The following GALNT11 variants were observed in gnomAD, a reference collection of about 807,000 sequenced individuals.
GALNT11 encodes polypeptide N-acetylgalactosaminyltransferase 11, also known as UDP-GalNAc:polypeptide N-acetylgalactosaminyltransferase 11.
GALNT11 carries 47 observed loss-of-function variants against 72.7 expected under a neutral mutation model. The observed-to-expected ratio is 0.65, with a 90% CI of 0.51 to 0.82. The LOEUF is 0.82. Ranked by LOEUF, GALNT11 falls within the 40% of genes least tolerant of loss-of-function variation. The probability of loss-of-function intolerance (pLI) is 0.00; values close to 1 mark genes in which losing one functional copy is unlikely to be tolerated. For synonymous variants in GALNT11, 270 were observed against 286.6 expected (o/e 0.94, Z 0.58); for missense variants, 677 against 778.4 (o/e 0.87, Z 1.55).
At chr7:152,074,230 T>G (rs1587175716) in intron 1 of GALNT11, 1 of 152,352 alleles carries the variant, frequency 6.6e-6, no homozygotes, top group South Asian at 2.1e-4. Context: ...ATTAACGTCC[T>G]GAGGCATTTC....
intron 1 of GALNT11, among the ~76,000 whole-genome samples, chr7:152,067,960 TG>T (rs1265714755): frequency 1.3e-5 from 2 of 151,304 alleles, no homozygotes; most frequent in African/African-American, 4.9e-5. Context: ...CAAGAGAGAG[TG>T]GTAGGGGAGG....
intron 1 of GALNT11, among the ~76,000 whole-genome samples, chr7:152,078,496 C>T (rs1373710527): frequency 6.6e-6 from 1 of 152,116 alleles, no homozygotes; most frequent in South Asian, 2.1e-4. Flanking sequence ...CCACTGCGCC[C>T]GGCCGGAAGG....
chr7:152,027,578 T>G (rs1369672358), intron 1 of GALNT11: 6 of 152,508 alleles, frequency 3.9e-5, no homozygotes, highest in Non-Finnish European at 8.8e-5. Flanking sequence ...CAGCCCCAAG[T>G]GAGGAAGGGG....
rs1415479507 is a variant in GALNT11, at chr7:152,061,628, A to G, written c.-38-32562A>G. Reference sequence around the variant, plus strand: ...TTTAGGTCTAACATTTAAGTCTCCAATCCATCTTGAATTAATTTTTGTATA... The same window carrying G: ...TTTAGGTCTAACATTTAAGTCTCCAGTCCATCTTGAATTAATTTTTGTATA... On this transcript the variant is annotated intron_variant, in intron 1 of 11. Coordinates refer to ENST00000430044, the MANE Select transcript of GALNT11 (RefSeq NM_022087.4). Among the ~76,000 whole-genome samples the G allele has an allele frequency of 4.6e-5, 7 of 152,186 alleles. No individual in the cohort carries two copies. In the East Asian group the frequency reaches 1.3e-3, roughly 29 times the overall value.
At chr7:152,108,332 TA>T (rs768410633) in intron 6 of GALNT11, 45 bp downstream of exon 6, 2 of 1,567,504 alleles carry the variant, frequency 1.3e-6, no homozygotes, top group Admixed American at 3.6e-5. Context: ...AGTGCTTCCT[TA>T]AAAGAGAACA....
rs549834924 is a variant in GALNT11, at chr7:152,117,076, G to A, written c.1234-81G>A. The A allele has an allele frequency of 3.6e-3, 4,270 of 1,199,682 alleles. 11 individuals carry two copies. The highest frequency in any genetic ancestry group is 4.6e-3 in the Non-Finnish European group (3,923 of 846,044). 74.3% of individuals were successfully genotyped at this position (1,199,682 alleles called of 1,614,324 possible). On this transcript the variant is annotated intron_variant, in intron 8 of 11. Coordinates refer to ENST00000430044, the MANE Select transcript of GALNT11 (RefSeq NM_022087.4). The stretch of plus-strand genomic sequence containing the variant: ...ATCATTGTTAGTAATGGACTTAATC[G>A]TGTAAAAAATCTCTATATAGTTGTA...
intron 1 of GALNT11, among the ~76,000 whole-genome samples, chr7:152,054,118 T>C (rs1364102250): frequency 6.6e-6 from 1 of 152,124 alleles, no homozygotes; most frequent in African/African-American, 2.4e-5. Flanking sequence ...GCTATAGATA[T>C]TTTTTCTATT....
chr7:152,031,656 C>G (rs2082309627), intron 1 of GALNT11, among the ~76,000 whole-genome samples: 1 of 152,166 alleles, frequency 6.6e-6, no homozygotes, highest in African/African-American at 2.4e-5. Context: ...CACCAGTTGT[C>G]AGACACGAGT....
At chr7:152,058,069 T>TG (rs1430252164) in intron 1 of GALNT11, among the ~76,000 whole-genome samples, 1 of 152,124 alleles carries the variant, frequency 6.6e-6, no homozygotes, top group Non-Finnish European at 1.5e-5. Context: ...TATCACAAAG[T>TG]GAATCACACA....
At chr7:152,114,908 G>A (rs2088678406) in intron 8 of GALNT11, among the ~76,000 whole-genome samples, 1 of 152,176 alleles carries the variant, frequency 6.6e-6, no homozygotes, top group Admixed American at 6.5e-5. Flanking sequence ...GGTTTTGGGG[G>A]ATAAAAGATG....
At chr7:152,078,563 A>G (rs572227126) in intron 1 of GALNT11, among the ~76,000 whole-genome samples, 3 of 152,234 alleles carry the variant, frequency 2.0e-5, no homozygotes, top group Non-Finnish European at 4.4e-5. Flanking sequence ...ATGACAATCC[A>G]CAGAATTAAG....
intron 4 of GALNT11, among the ~76,000 whole-genome samples, 175 bp from the exon 5 acceptor site, chr7:152,105,067 TTTC>T (rs1190086486): frequency 1.3e-5 from 2 of 152,208 alleles, no homozygotes; most frequent in Non-Finnish European, 2.9e-5. Context: ...TTACCCTTCA[TTTC>T]TTTTTCTTCC....
chr7:152,053,908 TGTAA>T (rs1306952441), intron 1 of GALNT11, among the ~76,000 whole-genome samples: 2 of 152,246 alleles, frequency 1.3e-5, no homozygotes, highest in African/African-American at 2.4e-5. Context: ...ATACTTTGAA[TGTAA>T]GTATTTAGAA....
intron 8 of GALNT11, among the ~76,000 whole-genome samples, chr7:152,116,313 C>A (rs137978931): frequency 6.6e-6 from 1 of 152,078 alleles, no homozygotes; most frequent in East Asian, 1.9e-4. Flanking sequence ...TGCAGTGGCA[C>A]GATCTCAATT....
chr7:152,079,780 A>G (rs573144500), intron 1 of GALNT11, among the ~76,000 whole-genome samples: 2 of 152,346 alleles, frequency 1.3e-5, no homozygotes, highest in Non-Finnish European at 2.9e-5. Flanking sequence ...GTAATTTCAC[A>G]GGGGTATGTG....
chr7:152,113,239 T>G lies in GALNT11; in HGVS notation c.1081-7T>G. 6.2e-7 allele frequency: 1 copy of G among 1,604,498 alleles called. No individual in the cohort carries two copies. Among genetic ancestry groups the G allele is most frequent in the Non-Finnish European group, 8.5e-7 (1 of 1,175,836 alleles). On this transcript the variant is annotated splice_polypyrimidine_tract_variant and splice_region_variant and intron_variant, in intron 7 of 11. Coordinates refer to ENST00000430044, the MANE Select transcript of GALNT11 (RefSeq NM_022087.4). ...AACTGTTAACACCTGTTTTTGCTTC[T>G]GGCCAGATCTGGATGTGTGGCGGTA... is the stretch of plus-strand genomic sequence containing the variant.
chr7:152,050,049 C>T (rs752995426), intron 1 of GALNT11, among the ~76,000 whole-genome samples: 2 of 152,102 alleles, frequency 1.3e-5, no homozygotes, highest in African/African-American at 4.8e-5. Flanking sequence ...AAATACCATC[C>T]AAGAGCCAAG....
intron 1 of GALNT11, among the ~76,000 whole-genome samples, chr7:152,055,578 T>C (rs202086926): frequency 1.4e-5 from 2 of 148,072 alleles, no homozygotes; most frequent in African/African-American, 5.2e-5. Flanking sequence ...TATATATACA[T>C]ATATATATAT....
chr7:152,056,619 A>T (rs2083692412), intron 1 of GALNT11, among the ~76,000 whole-genome samples: 1 of 152,238 alleles, frequency 6.6e-6, no homozygotes, highest in African/African-American at 2.4e-5. Flanking sequence ...GTATTAAATA[A>T]TGAAGAAGCA....
Sources: allele counts gnomAD v4.1 joint callset (sites outside exome capture counted in the v4.1 genomes callset), GRCh38; gene constraint gnomAD v4.1.1; transcripts MANE v1.5; gene names NCBI Gene and HGNC (gene_info 2026-07-23, HGNC 2026-07-21).